Variants in ZNF660 observed in about 807,000 individuals in gnomAD.
ZNF660 encodes the protein zinc finger protein 660.
Under a neutral mutation model 23.2 loss-of-function variants are expected in ZNF660, and 24 were observed. The ratio of observed to expected loss-of-function variants is 1.04; its 90% CI spans 0.75 to 1.46. The LOEUF is 1.46. Among genes scored for constraint, ZNF660 ranks in the 40% most tolerant of loss-of-function variants. ZNF660 has a pLI of 0.00. For synonymous variants in ZNF660, 117 were observed against 131.4 expected (o/e 0.89, Z 0.75); for missense variants, 373 against 396.8 (o/e 0.94, Z 0.51).
intron 2 of ZNF660, chr3:44,586,834 A>G (rs968576375): frequency 1.3e-5 from 2 of 152,210 alleles, no homozygotes; most frequent in Admixed American, 6.5e-5. Context: ...TGTGTCAGAC[A>G]CCATGTGGTA....
chr3:44,591,113 G>A (rs1408820641), intron 2 of ZNF660, among the ~76,000 whole-genome samples: 1 of 152,154 alleles, frequency 6.6e-6, no homozygotes, highest in Non-Finnish European at 1.5e-5. Context: ...TCAGAAAGCT[G>A]TGGGACATGG....
rs141765097 is a variant in ZNF660 at position 44,595,380 on chromosome 3, A to G, written c.*191A>G. On this transcript the variant is annotated 3_prime_UTR_variant, in exon 3 of 3. Coordinates refer to ENST00000322734, the MANE Select transcript of ZNF660 (RefSeq NM_173658.4). ...CTGAAAGAAGAAAACTAGATTTTCA[A>G]CATTACAGGGTTGAAATGAATGATG... 6.3e-3 allele frequency: 3,605 copies of G among 575,622 alleles called. 20 individuals are homozygous for G. Among genetic ancestry groups the G allele is most frequent in the Non-Finnish European group, 8.4e-3 (2,974 of 356,130 alleles). 35.7% of individuals were successfully genotyped at this position (575,622 alleles called of 1,614,324 possible). A position where few individuals can be genotyped will look rare whatever the true frequency, so the allele number is the denominator to read the frequency against.
chr3:44,591,995 C>T (rs536154524), intron 2 of ZNF660, among the ~76,000 whole-genome samples: 1 of 151,834 alleles, frequency 6.6e-6, no homozygotes, highest in Non-Finnish European at 1.5e-5. Context: ...GAGCCTCCGT[C>T]TCAAAAAACA....
At chr3:44,592,372 A>G (rs1435380556) in intron 2 of ZNF660, among the ~76,000 whole-genome samples, 1 of 152,242 alleles carries the variant, frequency 6.6e-6, no homozygotes. Flanking sequence ...CAAAATACAT[A>G]TGGGCAAGTC....
rs1049323759 is a variant in ZNF660 at position 44,599,476 on chromosome 3, T to C, written c.*4287T>C. ...TAGTAGCTGTTGAATCTAAATCCCT[T>C]AAGACTAAATTTCATTGCAGCTCTG... On this transcript the variant is annotated 3_prime_UTR_variant, in exon 3 of 3. Transcript: ENST00000322734. 6.6e-6 allele frequency: 1 copy of C among 152,194 alleles called. No individual in the cohort carries two copies. Among genetic ancestry groups the C allele is most frequent in the Admixed American group, 6.5e-5 (1 of 15,282 alleles). 9.4% of individuals were successfully genotyped at this position (152,194 alleles called of 1,614,324 possible). A position where few individuals can be genotyped will look rare whatever the true frequency, so the allele number is the denominator to read the frequency against.
chr3:44,587,154 A>G (rs1056938250), intron 2 of ZNF660: 1 of 151,680 alleles, frequency 6.6e-6, no homozygotes, highest in Non-Finnish European at 1.5e-5. Flanking sequence ...TCCTTACTCC[A>G]CTGCACCTAA....
In ZNF660 at chr3:44,598,853, A is replaced by C. The variant is rs1040621532; in HGVS notation, c.*3664A>C. 6.6e-6 allele frequency: 1 copy of C among 152,142 alleles called. No individual in the cohort carries two copies. Among genetic ancestry groups the C allele is most frequent in the Non-Finnish European group, 1.5e-5 (1 of 68,082 alleles). 9.4% of individuals were successfully genotyped at this position (152,142 alleles called of 1,614,324 possible). A position where few individuals can be genotyped will look rare whatever the true frequency, so the allele number is the denominator to read the frequency against. Reference sequence around the variant, plus strand: ...CTTCTCCATCAGAAACTTAGCTCTAATCAGTCATGGTTGCATACACACGTA... The same window carrying C: ...CTTCTCCATCAGAAACTTAGCTCTACTCAGTCATGGTTGCATACACACGTA... On this transcript the variant is annotated 3_prime_UTR_variant, in exon 3 of 3. Coordinates refer to ENST00000322734, the MANE Select transcript of ZNF660 (RefSeq NM_173658.4).
Position 44,594,660 on chromosome 3 carries a change from A to C in ZNF660, c.467A>C (p.His156Pro). The C allele has an allele frequency of 1.2e-6, 2 of 1,614,132 alleles. No homozygotes were observed. Among genetic ancestry groups the C allele is most frequent in the East Asian group, 4.5e-5 (2 of 44,884 alleles). The change falls in exon 3 of 3, where the codon CAC becomes CCC. Residue 156 changes from histidine to proline, a missense_variant. Physicochemically the swap from His to Pro is moderately conservative, Grantham distance 77. Coordinates refer to ENST00000322734, the MANE Select transcript of ZNF660 (RefSeq NM_173658.4). ...SSGLISHHRVHTGEKPYSCIE... is the reference protein window; with the variant it reads ...SSGLISHHRVPTGEKPYSCIE... ...GGCCTTATATCACATCACAGAGTTC[A>C]CACCGGAGAGAAGCCCTATTCTTGT...
At position 44,595,906 on chromosome 3, in the gene ZNF660, C is replaced by G. The variant is rs1195213652; in HGVS notation, c.*717C>G. Reference sequence around the variant, plus strand: ...TTGTCCTTTTTAGTTTTAAGACAAGCTGACTTTAGAGTTGTCAACAAAATA... The same window carrying G: ...TTGTCCTTTTTAGTTTTAAGACAAGGTGACTTTAGAGTTGTCAACAAAATA... On this transcript the variant is annotated 3_prime_UTR_variant, in exon 3 of 3. Coordinates refer to ENST00000322734, the MANE Select transcript of ZNF660 (RefSeq NM_173658.4). The G allele has an allele frequency of 1.2e-5, 2 of 167,032 alleles. No individual in the cohort carries two copies. Among genetic ancestry groups the G allele is most frequent in the East Asian group, 3.9e-4 (2 of 5,190 alleles). 10.3% of individuals were successfully genotyped at this position (167,032 alleles called of 1,614,324 possible).
At chr3:44,588,902 A>G (rs1366951954) in intron 2 of ZNF660, among the ~76,000 whole-genome samples, 1 of 152,204 alleles carries the variant, frequency 6.6e-6, no homozygotes, top group Non-Finnish European at 1.5e-5. Flanking sequence ...GCTTAGTGAC[A>G]CTACCATTCT....
rs1700592664 is a variant in ZNF660 at position 44,595,862 on chromosome 3, A to G, written c.*673A>G. 1 of 167,054 alleles carries G rather than the reference A, an allele frequency of 6.0e-6. No individual in the cohort carries two copies. The highest frequency in any genetic ancestry group is 1.5e-5 in the Non-Finnish European group (1 of 68,124). 10.3% of individuals were successfully genotyped at this position (167,054 alleles called of 1,614,324 possible). ...TTAGAGCGTGTTTCCTGTTAAGTAA[A>G]ATCATAAACACCGATCCTTTGTCCT... On this transcript the variant is annotated 3_prime_UTR_variant, in exon 3 of 3. Transcript: ENST00000322734.
Position 44,594,343 on chromosome 3 carries a change from T to A in ZNF660, c.150T>A (p.Tyr50Ter), listed in dbSNP as rs759401270. ...GAGTTCAGGCTGAAAAGAGACAGTATGTATGTACTGAGTGTGGGAAAGCCT... is the reference window on the plus strand; with the variant it reads ...GAGTTCAGGCTGAAAAGAGACAGTAAGTATGTACTGAGTGTGGGAAAGCCT... ...NERVQAEKRQYVCTECGKAFS... is the reference protein window; with the variant it reads ...NERVQAEKRQ The change falls in exon 3 of 3, where the codon TAT becomes TAA. Residue 50 changes from tyrosine (Y) to a stop codon, truncating the protein, a stop_gained. Coordinates refer to ENST00000322734, the MANE Select transcript of ZNF660 (RefSeq NM_173658.4). LOFTEE classifies it high-confidence loss of function. 1 of 1,614,078 alleles carries A rather than the reference T, an allele frequency of 6.2e-7. No individual in the cohort carries two copies.
intron 1 of ZNF660, among the ~76,000 whole-genome samples, chr3:44,585,306 A>G (rs1038248662): frequency 6.6e-6 from 1 of 152,134 alleles, no homozygotes; most frequent in Non-Finnish European, 1.5e-5. Context: ...AGTCCCGCCT[A>G]GGCTCTCAGG....
At chr3:44,588,160 G>C (rs1575398350) in intron 2 of ZNF660, among the ~76,000 whole-genome samples, 1 of 152,310 alleles carries the variant, frequency 6.6e-6, no homozygotes, top group East Asian at 1.9e-4. Context: ...AGGAAGCACG[G>C]TGCCAGCATC....
chr3:44,599,524 CTTGA>C lies in ZNF660; in HGVS notation c.*4339_*4342del, dbSNP rs907352994. 7.9e-5 allele frequency: 12 copies of C among 152,072 alleles called. No individual in the cohort carries two copies. The highest frequency in any genetic ancestry group is 5.2e-4 in the Admixed American group (8 of 15,268). The allele number at this position is 152,072 out of a possible 1,614,324, so 9.4% of individuals were successfully genotyped here. On this transcript the variant is annotated 3_prime_UTR_variant, in exon 3 of 3. Coordinates refer to ENST00000322734, the MANE Select transcript of ZNF660 (RefSeq NM_173658.4). ...CTGTACCCTCAGCAGGACTTCCTTT[CTTGA>C]TTGTTTTTTCCATTTAATATAAAAT...
chr3:44,594,935 T>C lies in ZNF660; in HGVS notation c.742T>C (p.Cys248Arg). 6.2e-7 allele frequency: 1 copy of C among 1,614,080 alleles called. No individual in the cohort carries two copies. The highest frequency in any genetic ancestry group is 8.5e-7 in the Non-Finnish European group (1 of 1,180,026). ...RLHRREKPYK[C>R]NECGKAFTSN... ...TCATCGTAGAGAGAAACCTTACAAA[T>C]GTAATGAGTGTGGGAAGGCTTTTAC... is the stretch of plus-strand genomic sequence containing the variant. Residue 248 changes from cysteine (C) to arginine (R), a missense_variant, in exon 3 of 3, where the codon TGT (cysteine) becomes CGT (arginine). Coordinates refer to ENST00000322734, the MANE Select transcript of ZNF660 (RefSeq NM_173658.4).
intron 2 of ZNF660, among the ~76,000 whole-genome samples, chr3:44,592,418 G>A: frequency 6.6e-6 from 1 of 152,156 alleles, no homozygotes; most frequent in Admixed American, 6.5e-5. Context: ...GTATCATGTA[G>A]TTATCTTTTT....
intron 2 of ZNF660, among the ~76,000 whole-genome samples, chr3:44,589,687 T>TATC (rs1700350755): frequency 6.6e-6 from 1 of 152,244 alleles, no homozygotes; most frequent in Admixed American, 6.5e-5. Flanking sequence ...ATTTCACTCT[T>TATC]CTGTTTAGAA....
chr3:44,590,671 G>C (rs1700391264), intron 2 of ZNF660, among the ~76,000 whole-genome samples: 1 of 152,206 alleles, frequency 6.6e-6, no homozygotes, highest in South Asian at 2.1e-4. Context: ...GTGCTCATTA[G>C]TTATGAGTTT....
Sources: allele counts gnomAD v4.1 joint callset (sites outside exome capture counted in the v4.1 genomes callset), GRCh38; gene constraint gnomAD v4.1.1; transcripts MANE v1.5; gene names NCBI Gene and HGNC (gene_info 2026-07-23, HGNC 2026-07-21).